Variants in TMEM209 observed in about 807,000 individuals in gnomAD.
The protein encoded by TMEM209 is transmembrane protein 209.
TMEM209 carries 65 observed loss-of-function variants against 76.2 expected under a neutral mutation model. The observed-to-expected ratio is 0.85, with a 90% confidence interval of 0.70 to 1.05. The LOEUF (loss-of-function observed/expected upper bound fraction) is 1.05, where lower values mean the gene tolerates loss of function less well. TMEM209 is among the 50% of genes least tolerant of loss of function. The probability of loss-of-function intolerance (pLI) is 0.00; values close to 1 mark genes in which losing one functional copy is unlikely to be tolerated. For synonymous variants in TMEM209, 239 were observed against 237.6 expected (o/e 1.01, Z -0.06); for missense variants, 623 against 685.5 (o/e 0.91, Z 1.02).
chr7:130,181,601 A>C (rs1213855292), intron 9 of TMEM209, 22 bp downstream of exon 9: 1 of 1,593,836 alleles, frequency 6.3e-7, no homozygotes, highest in Admixed American at 1.7e-5. Context: ...GAAATCCAAC[A>C]CTGGGCTCTG....
intron 10 of TMEM209, 41 bp from the exon 11 acceptor site, chr7:130,175,650 CA>C: frequency 1.5e-6 from 2 of 1,374,754 alleles, no homozygotes; most frequent in Admixed American, 5.1e-5. Context: ...TAAGAGTATG[CA>C]AAAAAGAAAA....
chr7:130,190,734 C>T (rs1031199452), intron 6 of TMEM209, among the ~76,000 whole-genome samples: 5 of 152,010 alleles, frequency 3.3e-5, no homozygotes, highest in Admixed American at 6.5e-5. Context: ...CAATGGCTTA[C>T]GCCTATAATC....
intron 9 of TMEM209, among the ~76,000 whole-genome samples, chr7:130,179,944 C>CA (rs1212776098): frequency 6.6e-6 from 1 of 152,148 alleles, no homozygotes. Context: ...CCCTCTTGGG[C>CA]AAAAGAGCGA....
At chr7:130,205,167 C>T (rs1798401111) in intron 1 of TMEM209, 11 of 1,474,536 alleles carry the variant, frequency 7.5e-6, no homozygotes, top group East Asian at 4.9e-5. Context: ...CCCCGCGTCC[C>T]AATTTCCCAG....
chr7:130,177,880 T>C (rs1021704397), intron 10 of TMEM209, among the ~76,000 whole-genome samples: 4 of 152,218 alleles, frequency 2.6e-5, no homozygotes, highest in South Asian at 2.1e-4. Flanking sequence ...TCAATTTGAA[T>C]ACTATTTCTA....
chr7:130,175,706 A>T lies in TMEM209; in HGVS notation c.1247-97T>A, dbSNP rs1049017598. 2.6e-5 allele frequency: 25 copies of T among 947,834 alleles called. No individual in the cohort carries two copies. The Middle Eastern group carries it at 8.6e-4, about 33-fold the overall frequency. 58.7% of individuals were successfully genotyped at this position (947,834 alleles called of 1,614,324 possible). A position where few individuals can be genotyped will look rare whatever the true frequency, so the allele number is the denominator to read the frequency against. On this transcript the variant is annotated intron_variant, in intron 10 of 14. Coordinates refer to ENST00000397622, the MANE Select transcript of TMEM209 (RefSeq NM_032842.4). Reference sequence around the variant, plus strand: ...ATATAATAAGGGAAGCAAATCATTTAAAAAACTTGATCAAAACACCCAAAC... The same window carrying T: ...ATATAATAAGGGAAGCAAATCATTTTAAAAACTTGATCAAAACACCCAAAC...
chr7:130,203,377 C>T (rs1798289834), intron 3 of TMEM209, among the ~76,000 whole-genome samples: 1 of 152,118 alleles, frequency 6.6e-6, no homozygotes, highest in Admixed American at 6.6e-5. Context: ...CATAAAGACT[C>T]TTTATACCCA....
intron 5 of TMEM209, among the ~76,000 whole-genome samples, chr7:130,198,001 A>C (rs1798048903): frequency 6.6e-6 from 1 of 152,258 alleles, no homozygotes; most frequent in South Asian, 2.1e-4. Flanking sequence ...GTATATTCAC[A>C]GGATTATACA....
At chr7:130,184,354 G>GA in intron 7 of TMEM209, 99 bp from the exon 8 acceptor site, 16 of 902,440 alleles carry the variant, frequency 1.8e-5, no homozygotes, top group Admixed American at 3.0e-5. Context: ...AATGAACTTT[G>GA]AAAAAAAATT....
rs200427253 is a variant in TMEM209 at position 130,181,619 on chromosome 7, A to G, written c.1120+4T>C. The G allele has an allele frequency of 1.6e-5, 26 of 1,609,490 alleles. No homozygotes were observed. Among genetic ancestry groups the G allele is most frequent in the African/African-American group, 2.7e-5 (2 of 74,994 alleles). Reference sequence around the variant, plus strand: ...ATCCAACACTGGGCTCTGTTTTCACATACCTCCTATCTGTAGCTCTGGACA... The same window carrying G: ...ATCCAACACTGGGCTCTGTTTTCACGTACCTCCTATCTGTAGCTCTGGACA... On this transcript the variant is annotated splice_donor_region_variant and intron_variant, in intron 9 of 14. Transcript: ENST00000397622.
chr7:130,199,589 A>G (rs1340581619), intron 5 of TMEM209, among the ~76,000 whole-genome samples: 1 of 152,226 alleles, frequency 6.6e-6, no homozygotes, highest in Non-Finnish European at 1.5e-5. Context: ...AAGATTACTA[A>G]GGTAAAAAAA....
intron 6 of TMEM209, among the ~76,000 whole-genome samples, chr7:130,191,360 C>T (rs892185127): frequency 3.3e-5 from 5 of 151,390 alleles, no homozygotes; most frequent in South Asian, 2.1e-4. Context: ...AGACAATCAA[C>T]GGGAGCTTTT....
In TMEM209 at chr7:130,203,831, A is replaced by C. The variant is rs752001619; in HGVS notation, c.156T>G (p.Ile52Met). The C allele has an allele frequency of 1.2e-6, 2 of 1,601,668 alleles. No homozygotes were observed. Among genetic ancestry groups the C allele is most frequent in the Non-Finnish European group, 1.7e-6 (2 of 1,174,540 alleles). ...AGTATGTCACATTGTAGTATGAACT[A>C]ATCAATTTTCCAGTCCTGAAAAAAA... ...MIYTEMTGKL[I>M]SSYYNVTYWP... Residue 52 changes from isoleucine to methionine, a missense_variant, in exon 3 of 15, where the codon ATT becomes ATG. By Grantham distance (10) the Ile-to-Met change is conservative (BLOSUM62 1). Coordinates refer to ENST00000397622, the MANE Select transcript of TMEM209 (RefSeq NM_032842.4).
intron 5 of TMEM209, among the ~76,000 whole-genome samples, chr7:130,196,136 C>T (rs1363207030): frequency 1.3e-5 from 2 of 152,084 alleles, no homozygotes; most frequent in South Asian, 4.1e-4. Flanking sequence ...TATATTAAAA[C>T]TGGTCTCTTC....
At position 130,169,194 on chromosome 7, in the gene TMEM209, C is replaced by CAA. The variant is rs11463128; in HGVS notation, c.1631+1204_1631+1205dup. ...TAGGTGACAGAGCGAGACTCCATCTCAAAAAAAAAAAAAAAAAAAGCTAAT... is the reference window on the plus strand; with the variant it reads ...TAGGTGACAGAGCGAGACTCCATCTCAAAAAAAAAAAAAAAAAAAAAGCTAAT... On this transcript the variant is annotated intron_variant, in intron 14 of 14. Coordinates refer to ENST00000397622, the MANE Select transcript of TMEM209 (RefSeq NM_032842.4). 6.2e-3 allele frequency among the ~76,000 whole-genome samples: 462 copies of CAA among 74,544 alleles called. 7 individuals carry two copies. Among genetic ancestry groups the CAA allele is most frequent in the African/African-American group, 0.015 (317 of 20,668 alleles). 48.9% of individuals were successfully genotyped at this position (74,544 alleles called of 152,430 possible).
intron 7 of TMEM209, 57 bp downstream of exon 7, chr7:130,185,135 A>C (rs1446281040): frequency 4.6e-6 from 7 of 1,528,708 alleles, no homozygotes; most frequent in African/African-American, 1.4e-5. Context: ...CAGAAGTAGA[A>C]GACTTTCTAA....
intron 6 of TMEM209, among the ~76,000 whole-genome samples, chr7:130,189,443 T>A (rs35162131): frequency 0.19 from 28,209 of 152,108 alleles, 2,985 homozygotes; most frequent in Middle Eastern, 0.24. Flanking sequence ...ATGATCCACC[T>A]GCCTCAGCCT....
At chr7:130,191,943 C>T (rs1797810909) in intron 6 of TMEM209, among the ~76,000 whole-genome samples, 1 of 152,188 alleles carries the variant, frequency 6.6e-6, no homozygotes, top group Admixed American at 6.5e-5. Context: ...TTAGAAATCA[C>T]TGGTGAGACT....
In TMEM209 at chr7:130,201,954, T is replaced by C. The variant is rs752587268; in HGVS notation, c.469A>G (p.Ser157Gly). The change falls in exon 5 of 15, where the codon AGC becomes GGC. Residue 157 changes from serine (S) to glycine (G), a missense_variant. By Grantham distance (56) the Ser-to-Gly change is moderately conservative. Transcript: ENST00000397622. Reference sequence around the variant, plus strand: ...TGAGGGCTGTAACCAGTCATACAGCTGGTGGTGAACTTGGGACTGGTACTG... The same window carrying C: ...TGAGGGCTGTAACCAGTCATACAGCCGGTGGTGAACTTGGGACTGGTACTG... ...SPSTSPKFTT[S>G]CMTGYSPQLQ... 3.2e-5 allele frequency: 51 copies of C among 1,613,810 alleles called. No homozygotes were observed. The highest frequency in any genetic ancestry group is 4.2e-5 in the Non-Finnish European group (49 of 1,179,880).
Sources: allele counts gnomAD v4.1 joint callset (sites outside exome capture counted in the v4.1 genomes callset), GRCh38; gene constraint gnomAD v4.1.1; transcripts MANE v1.5; gene names NCBI Gene and HGNC (gene_info 2026-07-23, HGNC 2026-07-21).